The following LRRC4C variants were observed in gnomAD, a reference collection of about 807,000 sequenced individuals.
LRRC4C encodes the protein leucine-rich repeat-containing protein 4C.
In LRRC4C, 5 loss-of-function variants were observed where a neutral mutation model predicts 33.6. That is an observed-to-expected ratio of 0.15 (90% CI 0.08 to 0.31). LRRC4C has a LOEUF of 0.31. Ranked by LOEUF, LRRC4C falls within the 10% of genes least tolerant of loss-of-function variation. The pLI, the probability that LRRC4C is intolerant of heterozygous loss-of-function variation, is 1.00. For synonymous variants in LRRC4C, 329 were observed against 302.0 expected, an observed-to-expected ratio of 1.09 and a Z score of -0.93; for missense variants, 560 against 796.7, an observed-to-expected ratio of 0.70 and a Z score of 3.58.
chr11:41,410,745 A>C (rs539933794), intron 1 of LRRC4C, among the ~76,000 whole-genome samples: 1 of 152,212 alleles, frequency 6.6e-6, no homozygotes, highest in Middle Eastern at 3.4e-3. Context: ...TGGCCGAGAA[A>C]GTTATTTTTA....
intron 6 of LRRC4C, among the ~76,000 whole-genome samples, chr11:40,137,522 C>A (rs1377650784): frequency 6.6e-6 from 1 of 152,076 alleles, no homozygotes; most frequent in African/African-American, 2.4e-5. Context: ...TACCCACTAC[C>A]CTCTCCTTGC....
chr11:40,926,082 G>GTTA (rs145455026), intron 2 of LRRC4C, among the ~76,000 whole-genome samples: 1 of 150,544 alleles, frequency 6.6e-6, no homozygotes, highest in East Asian at 1.9e-4. Flanking sequence ...TGTTGTTGTT[G>GTTA]TTTAATCAGC....
Position 40,118,681 on chromosome 11 carries a change from C to T in LRRC4C, c.-42-2347G>A, listed in dbSNP as rs1264774999. Among the ~76,000 whole-genome samples, 3 of 151,918 alleles carry T rather than the reference C, an allele frequency of 2.0e-5. No individual in the cohort carries two copies. In the East Asian group the frequency reaches 5.8e-4, roughly 29 times the overall value. ...GAAAAATGCTAGTACATCCAGGGAACAGTAAAAAGTACCCTCTATCAAGAG... is the reference window on the plus strand; with the variant it reads ...GAAAAATGCTAGTACATCCAGGGAATAGTAAAAAGTACCCTCTATCAAGAG... On this transcript the variant is annotated intron_variant, in intron 6 of 6. Coordinates refer to ENST00000528697, the MANE Select transcript of LRRC4C (RefSeq NM_001258419.2).
chr11:40,852,533 C>A (rs961600518), intron 2 of LRRC4C, among the ~76,000 whole-genome samples: 7 of 152,032 alleles, frequency 4.6e-5, no homozygotes, highest in African/African-American at 1.4e-4. Flanking sequence ...TGATTTTTTG[C>A]AGGTTCTTCT....
At chr11:41,112,850 G>A (rs1941915286) in intron 1 of LRRC4C, among the ~76,000 whole-genome samples, 1 of 151,980 alleles carries the variant, frequency 6.6e-6, no homozygotes, top group South Asian at 2.1e-4. Context: ...TCACTAATGT[G>A]GTAGAAAAAC....
At chr11:40,400,919 A>G (rs1949733805) in intron 3 of LRRC4C, among the ~76,000 whole-genome samples, 1 of 152,068 alleles carries the variant, frequency 6.6e-6, no homozygotes, top group African/African-American at 2.4e-5. Context: ...TTTCTCCCCT[A>G]CCAATCTATA....
chr11:40,463,574 A>C (rs1242633874), intron 3 of LRRC4C, among the ~76,000 whole-genome samples: 1 of 152,098 alleles, frequency 6.6e-6, no homozygotes, highest in Non-Finnish European at 1.5e-5. Flanking sequence ...AAAGGCTGGA[A>C]ATAACTCAAT....
chr11:40,664,988 T>C lies in LRRC4C; in HGVS notation c.-406-16710A>G, dbSNP rs187434735. On this transcript the variant is annotated intron_variant, in intron 2 of 6. Coordinates refer to ENST00000528697, the MANE Select transcript of LRRC4C (RefSeq NM_001258419.2). ...CCCTTCTTGTGTCCAAGTGATCTCA[T>C]TGTTCAATTCCCACCTATGAGTGAG... Among the ~76,000 whole-genome samples the C allele has an allele frequency of 6.8e-3, 978 of 143,278 alleles. 10 individuals carry two copies. Among genetic ancestry groups the C allele is most frequent in the Non-Finnish European group, 7.8e-3 (512 of 66,062 alleles). 94.0% of individuals were successfully genotyped at this position (143,278 alleles called of 152,430 possible).
chr11:40,759,723 G>A (rs1056059139), intron 2 of LRRC4C, among the ~76,000 whole-genome samples: 2 of 151,700 alleles, frequency 1.3e-5, no homozygotes, highest in Non-Finnish European at 2.9e-5. Flanking sequence ...ACTCCTTGTC[G>A]ATATCATGAA....
intron 2 of LRRC4C, among the ~76,000 whole-genome samples, chr11:40,724,345 C>T (rs910211598): frequency 6.6e-5 from 10 of 152,046 alleles, no homozygotes; most frequent in Admixed American, 2.0e-4. Flanking sequence ...CAAGACCAAG[C>T]GTGTGCTTGG....
At chr11:40,857,314 C>T (rs533212713) in intron 2 of LRRC4C, among the ~76,000 whole-genome samples, 1 of 152,126 alleles carries the variant, frequency 6.6e-6, no homozygotes, top group Non-Finnish European at 1.5e-5. Context: ...GGTATTAAGC[C>T]CTGCATGCAT....
intron 3 of LRRC4C, among the ~76,000 whole-genome samples, chr11:40,398,771 A>G (rs1376681997): frequency 1.3e-5 from 2 of 152,190 alleles, no homozygotes; most frequent in African/African-American, 2.4e-5. Flanking sequence ...TTAAAAGTTA[A>G]TGAATGCACA....
intron 1 of LRRC4C, among the ~76,000 whole-genome samples, chr11:41,384,308 T>A (rs1953270544): frequency 6.6e-6 from 1 of 151,968 alleles, no homozygotes; most frequent in South Asian, 2.1e-4. Flanking sequence ...CTCTTTTATT[T>A]AGTTGTATTT....
chr11:40,590,963 C>T (rs978729079), intron 3 of LRRC4C, among the ~76,000 whole-genome samples: 1 of 152,184 alleles, frequency 6.6e-6, no homozygotes, highest in African/African-American at 2.4e-5. Flanking sequence ...GAGGTGGAGC[C>T]TACAGAGGCA....
chr11:41,179,642 A>G (rs998778146), intron 1 of LRRC4C, among the ~76,000 whole-genome samples: 2 of 152,224 alleles, frequency 1.3e-5, no homozygotes, highest in Non-Finnish European at 2.9e-5. Flanking sequence ...GGCAACAATT[A>G]CAAACCATTT....
At chr11:41,034,673 A>G (rs567795206) in intron 1 of LRRC4C, among the ~76,000 whole-genome samples, 28 of 145,866 alleles carry the variant, frequency 1.9e-4, no homozygotes, top group Admixed American at 4.2e-4. Flanking sequence ...TATGATATAT[A>G]TATATGTATC....
intron 3 of LRRC4C, among the ~76,000 whole-genome samples, chr11:40,515,934 A>G (rs140805449): frequency 6.6e-6 from 1 of 152,194 alleles, no homozygotes; most frequent in Non-Finnish European, 1.5e-5. Context: ...CTTTTATTTT[A>G]TGATAGTGCA....
At chr11:41,371,745 T>C (rs1437733429) in intron 1 of LRRC4C, among the ~76,000 whole-genome samples, 1 of 152,240 alleles carries the variant, frequency 6.6e-6, no homozygotes, top group Non-Finnish European at 1.5e-5. Flanking sequence ...AACTCCTACC[T>C]ACTCCAGCCC....
At chr11:41,339,715 T>C (rs1344083719) in intron 1 of LRRC4C, among the ~76,000 whole-genome samples, 1 of 152,212 alleles carries the variant, frequency 6.6e-6, no homozygotes, top group Non-Finnish European at 1.5e-5. Context: ...GCTAATCAAA[T>C]ATATTTTGCA....
Sources: gnomAD v4.1 joint callset for allele counts (sites outside exome capture counted in the v4.1 genomes callset) on GRCh38, gnomAD v4.1.1 for gene constraint, MANE v1.5 for transcripts, NCBI Gene and HGNC (gene_info 2026-07-23, HGNC 2026-07-21) for gene names.